Variants in SRGAP2B observed in about 807,000 individuals in gnomAD.
SRGAP2B encodes the protein SLIT-ROBO Rho GTPase-activating protein 2B.
Under a neutral mutation model 22.2 loss-of-function variants are expected in SRGAP2B, and 9 were observed. The observed-to-expected ratio is 0.41, with a 90% confidence interval of 0.24 to 0.71. SRGAP2B has a LOEUF of 0.71. SRGAP2B is among the 30% of genes least tolerant of loss of function. The pLI is 0.35. For synonymous variants in SRGAP2B, 36 were observed against 87.4 expected, an observed-to-expected ratio of 0.41 and a Z score of 3.28; for missense variants, 114 against 235.8, an observed-to-expected ratio of 0.48 and a Z score of 3.38.
chr1:144,974,876 T>C (rs1306464591), intron 3 of SRGAP2B, among the ~76,000 whole-genome samples: 2 of 149,904 alleles, frequency 1.3e-5, no homozygotes, highest in East Asian at 1.9e-4. Flanking sequence ...CTGATGCTGA[T>C]GCTGATGCTG....
chr1:145,001,716 T>A (rs1373990663), intron 2 of SRGAP2B, among the ~76,000 whole-genome samples: 10 of 149,896 alleles, frequency 6.7e-5, no homozygotes, highest in Non-Finnish European at 1.5e-4. Context: ...ATTACTTTAC[T>A]CTATTAAGTA....
At chr1:145,090,121 G>A (rs1553636084) in intron 2 of SRGAP2B, among the ~76,000 whole-genome samples, 3 of 146,910 alleles carry the variant, frequency 2.0e-5, no homozygotes, top group Admixed American at 6.6e-5. Flanking sequence ...AAGTCTGGCA[G>A]CACCATGAGT....
chr1:144,907,847 CA>C (rs1663104432), intron 5 of SRGAP2B, among the ~76,000 whole-genome samples: 1 of 149,674 alleles, frequency 6.7e-6, no homozygotes, highest in South Asian at 2.1e-4. Flanking sequence ...AATACTGGGA[CA>C]CTGACAAAAT....
At chr1:144,971,013 C>T (rs1668472030) in intron 3 of SRGAP2B, among the ~76,000 whole-genome samples, 1 of 150,546 alleles carries the variant, frequency 6.6e-6, no homozygotes, top group Non-Finnish European at 1.5e-5. Flanking sequence ...AATTCATACC[C>T]ACGAAACAAA....
intron 3 of SRGAP2B, chr1:144,964,958 A>C (rs1364256039): frequency 1.6e-6 from 2 of 1,278,856 alleles, no homozygotes; most frequent in African/African-American, 3.0e-5. Context: ...GGGAGGACAC[A>C]GAGCCGCGCC....
chr1:144,932,557 G>A (rs1665281055), intron 4 of SRGAP2B, among the ~76,000 whole-genome samples: 1 of 148,692 alleles, frequency 6.7e-6, no homozygotes, highest in African/African-American at 2.6e-5. Flanking sequence ...ATAAAGAGTG[G>A]ACTAGCTCTG....
chr1:144,999,251 A>G (rs1553619167), intron 2 of SRGAP2B, among the ~76,000 whole-genome samples: 1 of 149,812 alleles, frequency 6.7e-6, no homozygotes, highest in African/African-American at 2.5e-5. Flanking sequence ...ATACATGGAA[A>G]GAAGTCAAGC....
chr1:144,998,803 T>C (rs1318459172), intron 2 of SRGAP2B, among the ~76,000 whole-genome samples: 2 of 150,856 alleles, frequency 1.3e-5, no homozygotes, highest in African/African-American at 5.0e-5. Flanking sequence ...CAGGGAAAAA[T>C]GTGCTGCCTT....
chr1:145,051,762 C>A, intron 2 of SRGAP2B, among the ~76,000 whole-genome samples: 1 of 35,902 alleles, frequency 2.8e-5, no homozygotes, highest in African/African-American at 1.6e-4. Context: ...TCAATTGCCA[C>A]CTCTATAGGT....
intron 3 of SRGAP2B, among the ~76,000 whole-genome samples, chr1:144,986,791 G>A (rs372744553): frequency 2.0e-5 from 3 of 148,746 alleles, no homozygotes; most frequent in South Asian, 2.1e-4. Flanking sequence ...GAACCCTGTC[G>A]CCTGGCATTC....
At chr1:144,910,466 G>T (rs1299063442) in intron 5 of SRGAP2B, among the ~76,000 whole-genome samples, 1 of 148,930 alleles carries the variant, frequency 6.7e-6, no homozygotes, top group Non-Finnish European at 1.5e-5. Context: ...AAGGGAACAG[G>T]TGCTAAATAC....
chr1:145,001,696 C>T (rs1416050009), intron 2 of SRGAP2B, among the ~76,000 whole-genome samples: 1 of 149,214 alleles, frequency 6.7e-6, no homozygotes, highest in Non-Finnish European at 1.5e-5. Flanking sequence ...GACTGATAGT[C>T]TTTTTCTGCA....
chr1:144,957,128 A>G (rs1667325203), intron 3 of SRGAP2B, among the ~76,000 whole-genome samples: 3 of 150,594 alleles, frequency 2.0e-5, no homozygotes, highest in Admixed American at 2.0e-4. Flanking sequence ...TGCAAATAAT[A>G]ACTATCTGTT....
intron 2 of SRGAP2B, among the ~76,000 whole-genome samples, chr1:145,041,061 C>CATGTAT (rs1553627425): frequency 8.8e-5 from 9 of 102,012 alleles, no homozygotes; most frequent in Non-Finnish European, 1.3e-4. Context: ...TCATTTGTTG[C>CATGTAT]ATGTATATAT....
intron 4 of SRGAP2B, among the ~76,000 whole-genome samples, chr1:144,931,719 C>T (rs1227153871): frequency 5.4e-5 from 8 of 148,530 alleles, no homozygotes; most frequent in Non-Finnish European, 8.9e-5. Flanking sequence ...ACCACGCACC[C>T]TGGCCACAGT....
At chr1:144,964,883 A>C in intron 3 of SRGAP2B, 1 of 616,904 alleles carries the variant, frequency 1.6e-6, no homozygotes, top group Non-Finnish European at 2.9e-6. Flanking sequence ...TGTGCCTGTA[A>C]ATGACCAGCC....
Position 144,920,944 on chromosome 1 carries a change from A to G in SRGAP2B, c.424-6190T>C, listed in dbSNP as rs1403207062. Among the ~76,000 whole-genome samples, 24 of 149,902 alleles carry G rather than the reference A, an allele frequency of 1.6e-4. 1 individual carries two copies. Among genetic ancestry groups the G allele is most frequent in the Admixed American group, 7.3e-4 (11 of 15,148 alleles). On this transcript the variant is annotated intron_variant, in intron 4 of 9. Transcript: ENST00000612199. ...CAGGTTCAATTATTGAATGCTGGCA[A>G]GGGAGAAATGGCTGGATTTTAGGGA...
chr1:144,964,812 G>A lies in SRGAP2B; in HGVS notation c.261-9211C>T, dbSNP rs2480401. Reference sequence around the variant, plus strand: ...CACGTGCCTGTACTCCTGGCTACTCGGGAAGCTGAGGTGGGAAGATCGCTT... The same window carrying A: ...CACGTGCCTGTACTCCTGGCTACTCAGGAAGCTGAGGTGGGAAGATCGCTT... On this transcript the variant is annotated intron_variant, in intron 3 of 9. Transcript: ENST00000612199. 1.2e-4 allele frequency among the ~76,000 whole-genome samples: 18 copies of A among 147,712 alleles called. 1 individual carries two copies. The highest frequency in any genetic ancestry group is 3.8e-4 in the African/African-American group (15 of 38,996).
At chr1:145,065,361 G>C in intron 2 of SRGAP2B, among the ~76,000 whole-genome samples, 2 of 150,414 alleles carry the variant, frequency 1.3e-5, no homozygotes, top group Non-Finnish European at 3.0e-5. Flanking sequence ...AGACGATACA[G>C]AAGTAGAGCA....
Sources: gnomAD v4.1 joint callset for allele counts (sites outside exome capture counted in the v4.1 genomes callset) on GRCh38, gnomAD v4.1.1 for gene constraint, MANE v1.5 for transcripts, NCBI Gene and HGNC (gene_info 2026-07-23, HGNC 2026-07-21) for gene names.